Variants in DAB1 observed in about 807,000 individuals in gnomAD.
The protein encoded by DAB1 is disabled homolog 1.
A neutral mutation model predicts 64.6 loss-of-function variants in DAB1; 15 were observed. The ratio of observed to expected loss-of-function variants is 0.23; its 90% CI spans 0.16 to 0.36. DAB1 has a LOEUF of 0.36. Among genes scored for constraint, DAB1 ranks in the 10% least tolerant of loss-of-function variants. The pLI, the probability that DAB1 is intolerant of heterozygous loss-of-function variation, is 1.00. For synonymous variants in DAB1, 235 were observed against 251.9 expected (o/e 0.93, Z 0.64); for missense variants, 596 against 706.7 (o/e 0.84, Z 1.78).
chr1:57,594,957 G>A (rs1288690342), intron 7 of DAB1, among the ~76,000 whole-genome samples: 2 of 151,962 alleles, frequency 1.3e-5, no homozygotes, highest in Admixed American at 6.6e-5. Context: ...TGATCCACCC[G>A]CCTCAGCCTC....
chr1:57,859,836 C>G (rs1187133730), intron 1 of DAB1, among the ~76,000 whole-genome samples: 1 of 152,154 alleles, frequency 6.6e-6, no homozygotes, highest in Non-Finnish European at 1.5e-5. Flanking sequence ...ACTGTGAATA[C>G]CAGGACTATA....
intron 7 of DAB1, among the ~76,000 whole-genome samples, chr1:57,567,097 G>C (rs1263479487): frequency 5.9e-5 from 9 of 152,126 alleles, no homozygotes; most frequent in East Asian, 1.9e-4. Flanking sequence ...TGGGCTTCAT[G>C]CCTGGGATGC....
chr1:58,485,228 T>TAAAAAAAAACAAAAAAAAAAAA (rs1645556160), intron 3 of DAB1, among the ~76,000 whole-genome samples: 1 of 42,036 alleles, frequency 2.4e-5, no homozygotes, highest in Non-Finnish European at 4.1e-5. Flanking sequence ...AGTCTACTAC[T>TAAAAAAAAACAAAAAAAAAAAA]AAAAAAAAAA....
intron 1 of DAB1, among the ~76,000 whole-genome samples, chr1:58,538,598 A>G (rs1207297506): frequency 6.6e-6 from 1 of 152,210 alleles, no homozygotes; most frequent in Non-Finnish European, 1.5e-5. Flanking sequence ...TAAATCATAC[A>G]GAACAAAATT....
At chr1:57,681,302 T>C (rs1355496170) in intron 6 of DAB1, among the ~76,000 whole-genome samples, 1 of 152,182 alleles carries the variant, frequency 6.6e-6, no homozygotes, top group African/African-American at 2.4e-5. Flanking sequence ...CCAGTTGTAT[T>C]GGATTAGGGG....
At chr1:57,111,817 T>C (rs1199937289) in intron 4 of DAB1, among the ~76,000 whole-genome samples, 1 of 152,212 alleles carries the variant, frequency 6.6e-6, no homozygotes, top group Non-Finnish European at 1.5e-5. Context: ...GTGCTTATTA[T>C]AGGTGATCAA....
intron 5 of DAB1, among the ~76,000 whole-genome samples, chr1:57,983,128 A>G (rs1646107747): frequency 6.6e-6 from 1 of 152,208 alleles, no homozygotes; most frequent in Non-Finnish European, 1.5e-5. Context: ...TAGGAAGGCA[A>G]AACACAGACA....
At chr1:57,315,307 G>A (rs1320419359) in intron 1 of DAB1, among the ~76,000 whole-genome samples, 1 of 152,064 alleles carries the variant, frequency 6.6e-6, no homozygotes, top group African/African-American at 2.4e-5. Flanking sequence ...TAATGTGTTT[G>A]CTCATTGTCT....
At chr1:57,328,404 G>C (rs1676364012) in intron 1 of DAB1, among the ~76,000 whole-genome samples, 1 of 152,136 alleles carries the variant, frequency 6.6e-6, no homozygotes, top group Non-Finnish European at 1.5e-5. Context: ...GGAAAAGAAT[G>C]CCAGGATGGA....
At chr1:57,549,263 A>C (rs1644888840) in intron 7 of DAB1, among the ~76,000 whole-genome samples, 1 of 152,158 alleles carries the variant, frequency 6.6e-6, no homozygotes, top group African/African-American at 2.4e-5. Context: ...AAACTTCTCC[A>C]AGGCAGGAAA....
At chr1:58,091,935 A>AACACACAC (rs59390109) in intron 5 of DAB1, among the ~76,000 whole-genome samples, 3,124 of 141,858 alleles carry the variant, frequency 0.022, 91 homozygotes, top group East Asian at 0.098. Context: ...AGCTGCATTA[A>AACACACAC]ACACACACAC....
intron 7 of DAB1, among the ~76,000 whole-genome samples, chr1:57,515,456 T>A (rs764837574): frequency 2.0e-5 from 3 of 152,212 alleles, no homozygotes; most frequent in Non-Finnish European, 4.4e-5. Flanking sequence ...AAGCAAGGTA[T>A]TTATTTGTAT....
chr1:58,346,336 T>C (rs558772809), intron 3 of DAB1, among the ~76,000 whole-genome samples: 1 of 152,366 alleles, frequency 6.6e-6, no homozygotes, highest in African/African-American at 2.4e-5. Flanking sequence ...GGTCCTCATA[T>C]TGTATTTGCA....
At chr1:58,312,033 T>C (rs1421683435) in intron 4 of DAB1, among the ~76,000 whole-genome samples, 1 of 152,146 alleles carries the variant, frequency 6.6e-6, no homozygotes, top group Non-Finnish European at 1.5e-5. Context: ...ACCACTTCCA[T>C]GACCAATGTG....
chr1:58,478,995 T>C (rs187102686), intron 3 of DAB1, among the ~76,000 whole-genome samples: 1 of 152,344 alleles, frequency 6.6e-6, no homozygotes, highest in Admixed American at 6.5e-5. Flanking sequence ...AGCTGAACTG[T>C]AACATTTCTT....
At chr1:57,515,044 G>A (rs773383605) in intron 7 of DAB1, among the ~76,000 whole-genome samples, 6 of 152,028 alleles carry the variant, frequency 3.9e-5, no homozygotes, top group Non-Finnish European at 7.4e-5. Flanking sequence ...GAACGGAAAC[G>A]AAGGTATATC....
At chr1:57,368,928 A>C (rs1403923596) in intron 1 of DAB1, among the ~76,000 whole-genome samples, 1 of 152,198 alleles carries the variant, frequency 6.6e-6, no homozygotes, top group Non-Finnish European at 1.5e-5. Flanking sequence ...CTATCAAAAC[A>C]CATATACTAG....
intron 5 of DAB1, among the ~76,000 whole-genome samples, chr1:58,067,955 C>T (rs1557635427): frequency 6.6e-6 from 1 of 152,178 alleles, no homozygotes. Context: ...ATTTTATATA[C>T]TATTGTCACA....
At chr1:57,473,330 C>T (rs1042010659) in intron 7 of DAB1, among the ~76,000 whole-genome samples, 24 of 152,150 alleles carry the variant, frequency 1.6e-4, no homozygotes, top group African/African-American at 5.8e-4. Context: ...GTATTGATTG[C>T]CGCCCTTCTC....
Sources: allele counts gnomAD v4.1 joint callset (sites outside exome capture counted in the v4.1 genomes callset), GRCh38; gene constraint gnomAD v4.1.1; transcripts MANE v1.5; gene names NCBI Gene and HGNC (gene_info 2026-07-23, HGNC 2026-07-21).